Variants in CDH2 observed in about 807,000 individuals in gnomAD.
CDH2 encodes the protein cadherin-2.
CDH2 carries 17 observed loss-of-function variants against 92.0 expected under a neutral mutation model. The ratio of observed to expected loss-of-function variants is 0.18; its 90% CI spans 0.13 to 0.28. CDH2 has a LOEUF of 0.28. Ranked by LOEUF, CDH2 falls within the 10% of genes least tolerant of loss-of-function variation. The pLI, the probability that CDH2 is intolerant of heterozygous loss-of-function variation, is 1.00. For synonymous variants in CDH2, 419 were observed against 415.9 expected, an observed-to-expected ratio of 1.01 and a Z score of -0.09; for missense variants, 862 against 1,133.1, an observed-to-expected ratio of 0.76 and a Z score of 3.44.
chr18:27,973,820 C>T (rs540400318), intron 14 of CDH2, among the ~76,000 whole-genome samples: 6 of 152,220 alleles, frequency 3.9e-5, no homozygotes, highest in South Asian at 4.2e-4. Flanking sequence ...TCCTCCATGC[C>T]CTGTTGTCAT....
At chr18:28,039,014 T>C (rs566967307) in intron 2 of CDH2, among the ~76,000 whole-genome samples, 6 of 152,324 alleles carry the variant, frequency 3.9e-5, no homozygotes, top group South Asian at 2.1e-4. Context: ...TCTTTGAATG[T>C]ATTAATGATA....
chr18:28,151,145 G>T (rs139023766), intron 1 of CDH2, among the ~76,000 whole-genome samples: 1 of 152,218 alleles, frequency 6.6e-6, no homozygotes, highest in Non-Finnish European at 1.5e-5. Flanking sequence ...ATCCCCTTAG[G>T]GGGGCTGACT....
At chr18:27,999,017 T>C (rs1309773616) in intron 7 of CDH2, among the ~76,000 whole-genome samples, 2 of 152,204 alleles carry the variant, frequency 1.3e-5, no homozygotes, top group Non-Finnish European at 2.9e-5. Context: ...CCAGATATAC[T>C]TTCTGTGTAA....
intron 2 of CDH2, among the ~76,000 whole-genome samples, chr18:28,115,744 A>G (rs1270943307): frequency 2.0e-5 from 3 of 152,172 alleles, no homozygotes. Context: ...GTCTATGTGA[A>G]TTTTACGACA....
At chr18:28,062,750 G>T (rs2144149071) in intron 2 of CDH2, among the ~76,000 whole-genome samples, 1 of 152,290 alleles carries the variant, frequency 6.6e-6, no homozygotes, top group African/African-American at 2.4e-5. Context: ...AAGGCGAGCG[G>T]ATGACTTGAG....
intron 15 of CDH2, among the ~76,000 whole-genome samples, chr18:27,955,759 C>CTTTTTTTTTT (rs1219088194): frequency 3.9e-5 from 1 of 25,942 alleles, no homozygotes; most frequent in Non-Finnish European, 1.0e-4. Context: ...TTCTTTATTT[C>CTTTTTTTTTT]TGTTTTTTTT....
In CDH2 at chr18:27,951,346, T is replaced by C. The variant is rs1909437500; in HGVS notation, c.*807A>G. ...TAAATACTTTATCCATAACGAAAGA[T>C]ATAAACATGCAAAAAACCTGAATCC... On this transcript the variant is annotated 3_prime_UTR_variant, in exon 16 of 16. Transcript: ENST00000269141. The C allele has an allele frequency of 1.3e-5, 2 of 152,480 alleles. No homozygotes were observed. Among genetic ancestry groups the C allele is most frequent in the Admixed American group, 6.6e-5 (1 of 15,256 alleles). 9.4% of individuals were successfully genotyped at this position (152,480 alleles called of 1,614,324 possible). A position where few individuals can be genotyped will look rare whatever the true frequency, so the allele number is the denominator to read the frequency against.
chr18:28,139,524 C>G (rs2015919227), intron 2 of CDH2, among the ~76,000 whole-genome samples: 1 of 151,988 alleles, frequency 6.6e-6, no homozygotes, highest in African/African-American at 2.4e-5. Flanking sequence ...GAGTTTTTAT[C>G]TAAAACACCA....
At chr18:28,173,229 T>TA (rs1470385910) in intron 1 of CDH2, among the ~76,000 whole-genome samples, 1 of 152,154 alleles carries the variant, frequency 6.6e-6, no homozygotes, top group Non-Finnish European at 1.5e-5. Context: ...TATAGTGTTT[T>TA]AAAAACAAGT....
chr18:27,987,332 A>T (rs1411802042), intron 11 of CDH2, among the ~76,000 whole-genome samples: 1 of 152,222 alleles, frequency 6.6e-6, no homozygotes, highest in South Asian at 2.1e-4. Flanking sequence ...TCCAACACTA[A>T]ATATTTAAAC....
chr18:28,090,892 T>C (rs184361754), intron 2 of CDH2, among the ~76,000 whole-genome samples: 3 of 152,286 alleles, frequency 2.0e-5, no homozygotes, highest in Admixed American at 1.3e-4. Flanking sequence ...TGCCTACAAG[T>C]AGAACATTGA....
chr18:28,032,131 A>C (rs905721424), intron 2 of CDH2, among the ~76,000 whole-genome samples: 4 of 152,158 alleles, frequency 2.6e-5, no homozygotes, highest in Admixed American at 6.6e-5. Flanking sequence ...CTACAGTCTG[A>C]GCTCTGACTA....
At chr18:28,018,822 C>A (rs192928595) in intron 2 of CDH2, among the ~76,000 whole-genome samples, 1 of 151,394 alleles carries the variant, frequency 6.6e-6, no homozygotes, top group Non-Finnish European at 1.5e-5. Context: ...TTCTGAGTAT[C>A]TACCCAGAGG....
intron 2 of CDH2, among the ~76,000 whole-genome samples, chr18:28,117,431 C>T (rs1460615754): frequency 6.6e-6 from 1 of 152,144 alleles, no homozygotes; most frequent in Non-Finnish European, 1.5e-5. Flanking sequence ...CAAGCACACA[C>T]CAACAGCTTC....
At chr18:27,999,964 T>C (rs756244336) in intron 7 of CDH2, among the ~76,000 whole-genome samples, 16 of 152,196 alleles carry the variant, frequency 1.1e-4, no homozygotes, top group Admixed American at 3.9e-4. Flanking sequence ...GCACTCTTCA[T>C]TTCTCTCCTT....
intron 15 of CDH2, among the ~76,000 whole-genome samples, chr18:27,961,842 G>A (rs2011412869): frequency 1.3e-5 from 2 of 152,066 alleles, no homozygotes; most frequent in Admixed American, 6.6e-5. Flanking sequence ...GCTCAGGCCT[G>A]TAATCCCAGC....
chr18:28,059,849 C>A (rs2014365741), intron 2 of CDH2, among the ~76,000 whole-genome samples: 1 of 152,200 alleles, frequency 6.6e-6, no homozygotes, highest in Non-Finnish European at 1.5e-5. Flanking sequence ...TAGGTCTCTT[C>A]TTTAATCTAT....
At chr18:28,108,696 CA>C (rs757165723) in intron 2 of CDH2, among the ~76,000 whole-genome samples, 4 of 151,728 alleles carry the variant, frequency 2.6e-5, no homozygotes, top group Non-Finnish European at 5.9e-5. Flanking sequence ...TACTATTTTG[CA>C]TTAAGCAGAG....
chr18:28,108,177 GGCATGGA>G (rs1436989900), intron 2 of CDH2, among the ~76,000 whole-genome samples: 2 of 152,092 alleles, frequency 1.3e-5, no homozygotes, highest in Non-Finnish European at 2.9e-5. Flanking sequence ...GTGTTGAGAG[GGCATGGA>G]AACCCCTGGG....
Sources: gnomAD v4.1 joint callset for allele counts (sites outside exome capture counted in the v4.1 genomes callset) on GRCh38, gnomAD v4.1.1 for gene constraint, MANE v1.5 for transcripts, NCBI Gene and HGNC (gene_info 2026-07-23, HGNC 2026-07-21) for gene names.